SPAG16: variants seen among roughly 807,000 people sequenced by gnomAD.
SPAG16 encodes sperm-associated antigen 16 protein.
In SPAG16, 86 loss-of-function variants were observed where a neutral mutation model predicts 80.4. That is an observed-to-expected ratio of 1.07 (90% confidence interval 0.90 to 1.28). SPAG16 has a LOEUF of 1.28. SPAG16 is among the 50% of genes most tolerant of loss of function. The pLI, the probability that SPAG16 is intolerant of heterozygous loss-of-function variation, is 0.00. For missense variants in SPAG16, 870 were observed against 765.3 expected (o/e 1.14, Z -1.61); for synonymous variants, 294 against 265.9 (o/e 1.11, Z -1.03).
chr2:213,466,018 T>A (rs1465360253), intron 9 of SPAG16, among the ~76,000 whole-genome samples: 1 of 152,160 alleles, frequency 6.6e-6, no homozygotes, highest in Non-Finnish European at 1.5e-5. Flanking sequence ...ATGGCTAGAA[T>A]AAAAGCAGAC....
intron 15 of SPAG16, among the ~76,000 whole-genome samples, chr2:214,373,900 T>G (rs1461133205): frequency 6.6e-6 from 1 of 152,218 alleles, no homozygotes; most frequent in Non-Finnish European, 1.5e-5. Context: ...CAACAATCTT[T>G]GAGCGCACAC....
intron 14 of SPAG16, among the ~76,000 whole-genome samples, 199 bp downstream of exon 14, chr2:214,108,460 C>CACAA (rs1430121991): frequency 1.8e-5 from 2 of 112,202 alleles, no homozygotes; most frequent in Non-Finnish European, 4.0e-5. Context: ...CACACACACA[C>CACAA]ACACACACAC....
At chr2:213,573,570 A>G (rs1242900031) in intron 10 of SPAG16, among the ~76,000 whole-genome samples, 2 of 152,164 alleles carry the variant, frequency 1.3e-5, no homozygotes, top group Non-Finnish European at 2.9e-5. Context: ...GCAGTATAGA[A>G]TTCTCTTGAA....
At chr2:213,372,843 A>G (rs1216573258) in intron 8 of SPAG16, among the ~76,000 whole-genome samples, 1 of 152,146 alleles carries the variant, frequency 6.6e-6, no homozygotes, top group Non-Finnish European at 1.5e-5. Context: ...AGTGCTCAAT[A>G]AATATTTGTT....
At chr2:214,143,940 A>C (rs773774014) in intron 14 of SPAG16, among the ~76,000 whole-genome samples, 1 of 152,058 alleles carries the variant, frequency 6.6e-6, no homozygotes, top group African/African-American at 2.4e-5. Context: ...GGAGGATCAC[A>C]TGAGGCCACA....
At chr2:214,101,664 A>T (rs1452775724) in intron 13 of SPAG16, among the ~76,000 whole-genome samples, 1 of 152,128 alleles carries the variant, frequency 6.6e-6, no homozygotes, top group Non-Finnish European at 1.5e-5. Flanking sequence ...CTTCTTGCAC[A>T]TAAAGGGCTA....
At chr2:213,908,521 A>T (rs1395146114) in intron 11 of SPAG16, among the ~76,000 whole-genome samples, 1 of 152,194 alleles carries the variant, frequency 6.6e-6, no homozygotes, top group Admixed American at 6.5e-5. Context: ...GAACTTCTTT[A>T]AACTACTCAG....
rs565100300 is a variant in SPAG16 at position 213,766,410 on chromosome 2, C to T, written c.1071-96075C>T. Among the ~76,000 whole-genome samples the T allele has an allele frequency of 2.0e-4, 31 of 152,300 alleles. No individual in the cohort carries two copies. The East Asian group carries it at 5.8e-3, about 28-fold the overall frequency. ...ATTAAATTATATCTTAATAAAAATA[C>T]ATCTAGTCACAGGTTGGGAGCTCTA... On this transcript the variant is annotated intron_variant, in intron 10 of 15. Transcript: ENST00000331683.
chr2:213,793,385 C>G (rs2125615486), intron 10 of SPAG16, among the ~76,000 whole-genome samples: 1 of 152,202 alleles, frequency 6.6e-6, no homozygotes, highest in Middle Eastern at 3.4e-3. Flanking sequence ...CCTCTTACCT[C>G]TCAATGTCAA....
At chr2:214,402,718 ACTGG>A (rs1363184644) in intron 15 of SPAG16, among the ~76,000 whole-genome samples, 1 of 152,032 alleles carries the variant, frequency 6.6e-6, no homozygotes, top group African/African-American at 2.4e-5. Context: ...CCACTAAGGC[ACTGG>A]GTACATTGGA....
intron 15 of SPAG16, among the ~76,000 whole-genome samples, chr2:214,184,150 T>G (rs187775002): frequency 6.6e-6 from 1 of 152,276 alleles, no homozygotes; most frequent in Non-Finnish European, 1.5e-5. Context: ...CTGATATTTT[T>G]GTTCTTCACT....
intron 14 of SPAG16, among the ~76,000 whole-genome samples, chr2:214,117,508 G>A (rs1350446650): frequency 6.6e-6 from 1 of 152,064 alleles, no homozygotes; most frequent in African/African-American, 2.4e-5. Flanking sequence ...TATGAGAACA[G>A]CACTACCCTG....
intron 11 of SPAG16, among the ~76,000 whole-genome samples, chr2:213,896,692 A>C (rs1372560338): frequency 6.6e-6 from 1 of 151,656 alleles, no homozygotes; most frequent in Non-Finnish European, 1.5e-5. Context: ...CATATATATG[A>C]TAGAATATCA....
At chr2:213,990,900 A>T (rs1220739277) in intron 12 of SPAG16, among the ~76,000 whole-genome samples, 1 of 152,198 alleles carries the variant, frequency 6.6e-6, no homozygotes, top group Non-Finnish European at 1.5e-5. Flanking sequence ...TTGTTTCCTC[A>T]CATGAACTTG....
intron 13 of SPAG16, among the ~76,000 whole-genome samples, chr2:214,017,124 T>G (rs151274419): frequency 1.9e-4 from 29 of 152,220 alleles, no homozygotes; most frequent in African/African-American, 6.0e-4. Flanking sequence ...TTGCAGAGAT[T>G]TAAACTTCTG....
intron 11 of SPAG16, among the ~76,000 whole-genome samples, chr2:213,892,254 C>G (rs1360378989): frequency 2.0e-5 from 3 of 151,904 alleles, no homozygotes; most frequent in Non-Finnish European, 4.4e-5. Flanking sequence ...CCAAGGCAAA[C>G]CTGGGCTGAA....
At chr2:213,577,189 A>G (rs2060156518) in intron 10 of SPAG16, among the ~76,000 whole-genome samples, 1 of 152,290 alleles carries the variant, frequency 6.6e-6, no homozygotes, top group Non-Finnish European at 1.5e-5. Context: ...ACTCTTTATG[A>G]AAGAAAAAGG....
intron 14 of SPAG16, among the ~76,000 whole-genome samples, chr2:214,141,458 C>T (rs1419068141): frequency 7.4e-6 from 1 of 135,356 alleles, no homozygotes; most frequent in African/African-American, 2.6e-5. Context: ...CAGAGTGAGA[C>T]TCGGCCTCAA....
chr2:214,284,019 A>G (rs73084942), intron 15 of SPAG16, among the ~76,000 whole-genome samples: 13,268 of 152,234 alleles, frequency 0.087, 653 homozygotes, highest in Middle Eastern at 0.14. Flanking sequence ...AACGTATCCT[A>G]TTGATTTGAG....
Sources: allele counts gnomAD v4.1 joint callset (sites outside exome capture counted in the v4.1 genomes callset), GRCh38; gene constraint gnomAD v4.1.1; transcripts MANE v1.5; gene names NCBI Gene and HGNC (gene_info 2026-07-23, HGNC 2026-07-21).